SPACA1: variants seen among roughly 807,000 people sequenced by gnomAD.
SPACA1 encodes sperm acrosome associated 1.
A neutral mutation model predicts 32.6 loss-of-function variants in SPACA1; 17 were observed. That is an observed-to-expected ratio of 0.52 (90% CI 0.36 to 0.78). The LOEUF (loss-of-function observed/expected upper bound fraction) is 0.78. Ranked by LOEUF, SPACA1 falls within the 30% of genes least tolerant of loss-of-function variation. The probability of loss-of-function intolerance (pLI) is 0.01; values close to 1 mark genes in which losing one functional copy is unlikely to be tolerated. For missense variants in SPACA1, 363 were observed against 373.4 expected (o/e 0.97, Z 0.23); for synonymous variants, 140 against 138.1 (o/e 1.01, Z -0.10).
At chr6:88,052,143 C>T (rs1037684951) in intron 1 of SPACA1, among the ~76,000 whole-genome samples, 14 of 152,110 alleles carry the variant, frequency 9.2e-5, no homozygotes, top group African/African-American at 3.4e-4. Flanking sequence ...AAAAAAGTTA[C>T]TGAGTAAACT....
Position 88,053,266 on chromosome 6 carries a change from T to C in SPACA1, c.209-680T>C, listed in dbSNP as rs1274924233. On this transcript the variant is annotated intron_variant, in intron 1 of 6. Coordinates refer to ENST00000237201, the MANE Select transcript of SPACA1 (RefSeq NM_030960.3). ...CTTCTAACAACTCACTTTATATTTT[T>C]TCTATTGAGACTTTCGTCCTAATTT... Among the ~76,000 whole-genome samples, 3 of 152,226 alleles carry C rather than the reference T, an allele frequency of 2.0e-5. No individual in the cohort carries two copies. The East Asian group carries it at 5.8e-4, about 29-fold the overall frequency.
At chr6:88,048,566 C>G (rs1490283535) in intron 1 of SPACA1, among the ~76,000 whole-genome samples, 1 of 152,066 alleles carries the variant, frequency 6.6e-6, no homozygotes, top group Non-Finnish European at 1.5e-5. Context: ...CCCAGATAGA[C>G]CAGTATGCCG....
At chr6:88,051,103 CGCCA>C (rs1562477629) in intron 1 of SPACA1, among the ~76,000 whole-genome samples, 3 of 151,312 alleles carry the variant, frequency 2.0e-5, no homozygotes, top group Non-Finnish European at 2.9e-5. Flanking sequence ...GCCGAGATTA[CGCCA>C]CTGCACTCCA....
At position 88,053,990 on chromosome 6, in the gene SPACA1, AC is replaced by A; in HGVS notation, c.255del (p.Val86LeufsTer12). On this transcript the variant is annotated frameshift_variant, in exon 2 of 7. Coordinates refer to ENST00000237201, the MANE Select transcript of SPACA1 (RefSeq NM_030960.3). LOFTEE classifies it high-confidence loss of function. ...VVKEVEFGMC[T>X]VTCGIGVREV... Reference sequence around the variant, plus strand: ...CAAAGAAGTAGAATTCGGAATGTGCACCGTTACATGTGGTAAGTAGCTTGGA... The same window carrying A: ...CAAAGAAGTAGAATTCGGAATGTGCACGTTACATGTGGTAAGTAGCTTGGA... The A allele has an allele frequency of 6.2e-7, 1 of 1,613,614 alleles. No homozygotes were observed. Among genetic ancestry groups the A allele is most frequent in the East Asian group, 2.2e-5 (1 of 44,832 alleles).
At chr6:88,048,146 G>GAGCAA (rs2127796991) in intron 1 of SPACA1, 33 bp downstream of exon 1, 1 of 1,552,224 alleles carries the variant, frequency 6.4e-7, no homozygotes, top group East Asian at 2.3e-5. Flanking sequence ...GGGGCACGCG[G>GAGCAA]AGGCCCCTGT....
chr6:88,065,369 T>A (rs1176873619), intron 6 of SPACA1, among the ~76,000 whole-genome samples: 3 of 148,006 alleles, frequency 2.0e-5, no homozygotes, highest in Non-Finnish European at 3.0e-5. Context: ...ATACAGTATA[T>A]ATTATATATA....
chr6:88,057,771 A>AT, intron 3 of SPACA1, 58 bp downstream of exon 3: 2 of 1,464,206 alleles, frequency 1.4e-6, no homozygotes, highest in East Asian at 4.5e-5. Context: ...CTGGGGAAAT[A>AT]TTTTTCACCT....
At chr6:88,057,737 G>T in intron 3 of SPACA1, 24 bp downstream of exon 3, 2 of 1,589,882 alleles carry the variant, frequency 1.3e-6, no homozygotes, top group South Asian at 1.1e-5. Flanking sequence ...TGTATTGGAG[G>T]GAGACTGTGG....
intron 6 of SPACA1, among the ~76,000 whole-genome samples, 155 bp from the exon 7 acceptor site, chr6:88,066,027 A>G (rs1225679542): frequency 6.6e-6 from 1 of 151,992 alleles, no homozygotes; most frequent in Admixed American, 6.6e-5. Context: ...TTGTATATGT[A>G]CAGGTTATAT....
intron 1 of SPACA1, among the ~76,000 whole-genome samples, chr6:88,052,200 T>C (rs1030702844): frequency 6.6e-6 from 1 of 152,232 alleles, no homozygotes; most frequent in Non-Finnish European, 1.5e-5. Flanking sequence ...AAAGGGACTT[T>C]AGAAACTTTC....
chr6:88,064,130 C>T lies in SPACA1; in HGVS notation c.642C>T (p.Ala214=), dbSNP rs1775941573. ...AGATGAGAAGATCAAGCCTACCAGC[C>T]ACTGATGCAGCCCTAATTTTTGTGC... ...ELQMRRSSLP[A]TDAALIFVLT... Residue 214 remains alanine (A), a synonymous_variant, in exon 6 of 7, where the codon GCC becomes GCT. Coordinates refer to ENST00000237201, the MANE Select transcript of SPACA1 (RefSeq NM_030960.3). 6.2e-7 allele frequency: 1 copy of T among 1,613,250 alleles called. No homozygotes were observed. The highest frequency in any genetic ancestry group is 1.3e-5 in the African/African-American group (1 of 74,846).
rs1775848527 is a variant in SPACA1 at position 88,058,814 on chromosome 6, C to G, written c.466C>G (p.Gln156Glu). 6.2e-7 allele frequency: 1 copy of G among 1,606,512 alleles called. No individual in the cohort carries two copies. Among genetic ancestry groups the G allele is most frequent in the African/African-American group, 1.3e-5 (1 of 74,742 alleles). ...CAAATATATGTGGAAACTTCTAAGA[C>G]AAGACCAAGTGAGTAATGAATGGAT... ...RFKYMWKLLR[Q>E]DQQSIILVND... The change falls in exon 4 of 7, where the codon CAA (glutamine) becomes GAA (glutamate). Residue 156 changes from glutamine to glutamate, a missense_variant. Gln to Glu is a conservative substitution (Grantham distance 29). Coordinates refer to ENST00000237201, the MANE Select transcript of SPACA1 (RefSeq NM_030960.3).
At chr6:88,066,140 T>C in intron 6 of SPACA1, 42 bp from the exon 7 acceptor site, 1 of 1,519,890 alleles carries the variant, frequency 6.6e-7, no homozygotes, top group Non-Finnish European at 8.8e-7. Flanking sequence ...AGTTTTAGTT[T>C]TCACTTCATA....
Position 88,056,867 on chromosome 6 carries a change from T to C in SPACA1, c.266-745T>C, listed in dbSNP as rs1016489504. Among the ~76,000 whole-genome samples, 7 of 152,198 alleles carry C rather than the reference T, an allele frequency of 4.6e-5. No individual in the cohort carries two copies. In the East Asian group the frequency reaches 1.3e-3, roughly 29 times the overall value. Reference sequence around the variant, plus strand: ...AGATCAGTTAGGAGAGTTAAGTTCTTGTTACAAAAAGTGTGACAATCTAAA... The same window carrying C: ...AGATCAGTTAGGAGAGTTAAGTTCTCGTTACAAAAAGTGTGACAATCTAAA... On this transcript the variant is annotated intron_variant, in intron 2 of 6. Transcript: ENST00000237201.
intron 5 of SPACA1, among the ~76,000 whole-genome samples, chr6:88,063,561 T>C (rs1201795296): frequency 1.3e-5 from 2 of 152,110 alleles, no homozygotes; most frequent in African/African-American, 4.8e-5. Context: ...AGGAGTTAAT[T>C]AGGAAGAGGC....
chr6:88,064,217 T>C lies in SPACA1; in HGVS notation c.729T>C (p.Asn243=). The C allele has an allele frequency of 6.2e-7, 1 of 1,609,800 alleles. No homozygotes were observed. The highest frequency in any genetic ancestry group is 8.5e-7 in the Non-Finnish European group (1 of 1,178,178). The part of the protein sequence containing the change: ...IIFLLIFIII[N]WAAVKAFWGA... The stretch of plus-strand genomic sequence containing the variant: ...TCTTATTGATCTTCATAATCATAAA[T>C]TGGTAGGTGAATAGTGGAATGCATC... Residue 243 remains asparagine (N), a splice_region_variant and synonymous_variant, in exon 6 of 7, where the codon AAT becomes AAC. Transcript: ENST00000237201.
chr6:88,053,901 A>G (rs949063493), intron 1 of SPACA1, 45 bp from the exon 2 acceptor site: 19 of 1,549,940 alleles, frequency 1.2e-5, no homozygotes, highest in Non-Finnish European at 1.5e-5. Context: ...CACTTAGAAA[A>G]GTTTTCATAT....
intron 5 of SPACA1, among the ~76,000 whole-genome samples, chr6:88,061,704 C>T (rs1005617157): frequency 1.7e-4 from 25 of 144,422 alleles, no homozygotes; most frequent in African/African-American, 3.9e-4. Flanking sequence ...TCCAAAACTG[C>T]GAGACAATAC....
chr6:88,047,755 C>G, upstream of SPACA1: 1 of 774,446 alleles, frequency 1.3e-6, no homozygotes, highest in Non-Finnish European at 2.0e-6. Context: ...AGCACCGGAG[C>G]AGCGCCCCGG....
Sources: allele counts gnomAD v4.1 joint callset (sites outside exome capture counted in the v4.1 genomes callset), GRCh38; gene constraint gnomAD v4.1.1; transcripts MANE v1.5; gene names NCBI Gene and HGNC (gene_info 2026-07-23, HGNC 2026-07-21).